The following LIMD1 variants were observed in gnomAD, a reference collection of about 807,000 sequenced individuals.
LIMD1 encodes the protein LIM domain-containing protein 1.
A neutral mutation model predicts 58.4 loss-of-function variants in LIMD1; 23 were observed. That is an observed-to-expected ratio of 0.39 (90% CI 0.28 to 0.56). The LOEUF (loss-of-function observed/expected upper bound fraction) is 0.56, where lower values mean the gene tolerates loss of function less well. Ranked by LOEUF, LIMD1 falls within the 20% of genes least tolerant of loss-of-function variation. The pLI is 0.57. For synonymous variants in LIMD1, 334 were observed against 345.5 expected (o/e 0.97, Z 0.37); for missense variants, 838 against 855.5 (o/e 0.98, Z 0.25).
At position 45,685,399 on chromosome 3, in the gene LIMD1, T is replaced by A. The variant is rs1340412812; in HGVS notation, c.*8340T>A. On this transcript the variant is annotated 3_prime_UTR_variant, in exon 8 of 8. Coordinates refer to ENST00000273317, the MANE Select transcript of LIMD1 (RefSeq NM_014240.3). Reference sequence around the variant, plus strand: ...TTTGCCTCTCTTAGTTCCTTCTACATGACAATGGGTGGCAGTTGCTCATAT... The same window carrying A: ...TTTGCCTCTCTTAGTTCCTTCTACAAGACAATGGGTGGCAGTTGCTCATAT... The A allele has an allele frequency of 6.6e-6, 1 of 152,228 alleles. No homozygotes were observed. Among genetic ancestry groups the A allele is most frequent in the Admixed American group, 6.5e-5 (1 of 15,288 alleles). 9.4% of individuals were successfully genotyped at this position (152,228 alleles called of 1,614,324 possible). A position where few individuals can be genotyped will look rare whatever the true frequency, so the allele number is the denominator to read the frequency against.
chr3:45,668,660 G>A (rs1176054795), intron 4 of LIMD1, among the ~76,000 whole-genome samples: 1 of 151,922 alleles, frequency 6.6e-6, no homozygotes, highest in Admixed American at 6.6e-5. Flanking sequence ...GGCCAAGGCA[G>A]GAGAATTGTT....
intron 6 of LIMD1, chr3:45,673,914 CT>C (rs1341252885): frequency 7.7e-6 from 2 of 261,364 alleles, no homozygotes; most frequent in Non-Finnish European, 1.5e-5. Context: ...AAAAACCCCA[CT>C]TCACCTTTGA....
rs183562261 is a variant in LIMD1 at position 45,608,646 on chromosome 3, C to T, written c.1408+12359C>T. 8.5e-5 allele frequency among the ~76,000 whole-genome samples: 13 copies of T among 152,094 alleles called. 1 individual carries two copies. In the East Asian group the frequency reaches 9.6e-4, roughly 11 times the overall value. ...CTTGAGGTCAAGAGTTTGAGACCAG[C>T]CTGGCTAACACAGTAAAACCCTGTC... On this transcript the variant is annotated intron_variant, in intron 1 of 7. Transcript: ENST00000273317.
At chr3:45,601,943 CT>C (rs534236802) in intron 1 of LIMD1, among the ~76,000 whole-genome samples, 2,303 of 141,550 alleles carry the variant, frequency 0.016, 28 homozygotes, top group African/African-American at 0.053. Context: ...AGGCTGTGGA[CT>C]TTTTTTTTTT....
chr3:45,640,435 T>G (rs1478983465), intron 2 of LIMD1, among the ~76,000 whole-genome samples: 1 of 152,134 alleles, frequency 6.6e-6, no homozygotes, highest in Non-Finnish European at 1.5e-5. Flanking sequence ...GTTGTTGTTT[T>G]GTTTTGTTTT....
intron 1 of LIMD1, among the ~76,000 whole-genome samples, chr3:45,630,236 C>T (rs1022139444): frequency 6.6e-6 from 1 of 152,198 alleles, no homozygotes; most frequent in Non-Finnish European, 1.5e-5. Context: ...TAAGAGCCTA[C>T]TCTTTTTCTT....
Position 45,676,094 on chromosome 3 carries a change from A to T in LIMD1, c.1894-828A>T, listed in dbSNP as rs564204071. 2.0e-3 allele frequency among the ~76,000 whole-genome samples: 308 copies of T among 152,230 alleles called. 2 individuals carry two copies. The highest frequency in any genetic ancestry group is 6.1e-3 in the African/African-American group (253 of 41,530). Reference sequence around the variant, plus strand: ...CCCTGTCTCTACTAAAAATACAAAAATTAGCCAGATGTGTTGGCGCGTGCA... The same window carrying T: ...CCCTGTCTCTACTAAAAATACAAAATTTAGCCAGATGTGTTGGCGCGTGCA... On this transcript the variant is annotated intron_variant, in intron 7 of 7. Transcript: ENST00000273317.
At chr3:45,676,879 CTGTTT>C (rs758004325) in intron 7 of LIMD1, 38 bp from the exon 8 acceptor site, 20 of 1,607,622 alleles carry the variant, frequency 1.2e-5, no homozygotes, top group Non-Finnish European at 1.7e-5. Context: ...GTCTTGCAGT[CTGTTT>C]TGTTTTGCTT....
intron 1 of LIMD1, among the ~76,000 whole-genome samples, chr3:45,605,418 C>T (rs1035738177): frequency 7.2e-5 from 11 of 152,194 alleles, no homozygotes; most frequent in African/African-American, 2.2e-4. Flanking sequence ...AAAATACATA[C>T]AATTAAAGAA....
In LIMD1 at chr3:45,663,868, ATT is replaced by A. The variant is rs553757543; in HGVS notation, c.1511-1763_1511-1762del. On this transcript the variant is annotated intron_variant, in intron 2 of 7. Coordinates refer to ENST00000273317, the MANE Select transcript of LIMD1 (RefSeq NM_014240.3). ...TAGTGCGTGGCACCATGCCTGGCTA[ATT>A]TTTTTTTTTTTTTTTTTTGAGACAG... is the stretch of plus-strand genomic sequence containing the variant. Among the ~76,000 whole-genome samples, 240 of 102,838 alleles carry A rather than the reference ATT, an allele frequency of 2.3e-3. 3 individuals are homozygous for A. Among genetic ancestry groups the A allele is most frequent in the African/African-American group, 9.4e-3 (220 of 23,350 alleles). The allele number at this position is 102,838 out of a possible 152,430, so 67.5% of individuals were successfully genotyped here.
intron 2 of LIMD1, among the ~76,000 whole-genome samples, chr3:45,639,108 G>C (rs1024911651): frequency 1.3e-5 from 2 of 152,180 alleles, no homozygotes; most frequent in Non-Finnish European, 2.9e-5. Context: ...GACTTCTGGT[G>C]ACCCTCCCAC....
At chr3:45,603,473 G>A (rs959728666) in intron 1 of LIMD1, among the ~76,000 whole-genome samples, 2 of 151,886 alleles carry the variant, frequency 1.3e-5, no homozygotes, top group African/African-American at 4.8e-5. Flanking sequence ...CGTGGGGACT[G>A]CCACCAGAAT....
intron 2 of LIMD1, among the ~76,000 whole-genome samples, chr3:45,651,980 G>A (rs1437843324): frequency 6.6e-6 from 1 of 152,008 alleles, no homozygotes; most frequent in East Asian, 1.9e-4. Flanking sequence ...AGGCTGGAGT[G>A]CAATGGTGTG....
chr3:45,668,942 G>C (rs1697557080), intron 4 of LIMD1, among the ~76,000 whole-genome samples: 1 of 152,154 alleles, frequency 6.6e-6, no homozygotes, highest in Non-Finnish European at 1.5e-5. Flanking sequence ...TGATCCTTGT[G>C]GCATCCCAGG....
chr3:45,648,961 T>G (rs1478324960), intron 2 of LIMD1, among the ~76,000 whole-genome samples: 1 of 152,238 alleles, frequency 6.6e-6, no homozygotes, highest in Non-Finnish European at 1.5e-5. Flanking sequence ...TGTATAGGAT[T>G]TGGGAATATT....
Position 45,681,686 on chromosome 3 carries a change from C to T in LIMD1, c.*4627C>T, listed in dbSNP as rs1697746914. On this transcript the variant is annotated 3_prime_UTR_variant, in exon 8 of 8. Transcript: ENST00000273317. ...CTTTTGCTCCAGAGACAGACACTAT[C>T]TCTGTCATCCAAGACTGTTCACTAG... is the stretch of plus-strand genomic sequence containing the variant. 6.6e-6 allele frequency: 1 copy of T among 152,356 alleles called. No homozygotes were observed. Among genetic ancestry groups the T allele is most frequent in the Admixed American group, 6.5e-5 (1 of 15,310 alleles). 9.4% of individuals were successfully genotyped at this position (152,356 alleles called of 1,614,324 possible). A position where few individuals can be genotyped will look rare whatever the true frequency, so the allele number is the denominator to read the frequency against.
intron 2 of LIMD1, among the ~76,000 whole-genome samples, chr3:45,641,455 T>G (rs1701841556): frequency 6.6e-6 from 1 of 150,672 alleles, no homozygotes; most frequent in Non-Finnish European, 1.5e-5. Flanking sequence ...AAAATCTAGT[T>G]TAAAACACTA....
intron 5 of LIMD1, 58 bp downstream of exon 5, chr3:45,672,878 G>C: frequency 1.2e-6 from 2 of 1,600,078 alleles, no homozygotes; most frequent in Non-Finnish European, 1.7e-6. Context: ...GATCTCAGCA[G>C]AGTGAGTGGT....
chr3:45,633,509 C>G (rs1216250939), intron 1 of LIMD1, among the ~76,000 whole-genome samples: 1 of 152,134 alleles, frequency 6.6e-6, no homozygotes, highest in Non-Finnish European at 1.5e-5. Context: ...TGAAATGCAT[C>G]AAGAATGGGA....
Sources: gnomAD v4.1 joint callset for allele counts (sites outside exome capture counted in the v4.1 genomes callset) on GRCh38, gnomAD v4.1.1 for gene constraint, MANE v1.5 for transcripts, NCBI Gene and HGNC (gene_info 2026-07-23, HGNC 2026-07-21) for gene names.